The following GAB2 variants were observed in gnomAD, a reference collection of about 807,000 sequenced individuals.
GAB2 encodes GRB2 associated binding protein 2.
In GAB2, 26 loss-of-function variants were observed where a neutral mutation model predicts 65.5. The ratio of observed to expected loss-of-function variants is 0.40; its 90% CI spans 0.29 to 0.55. The LOEUF (loss-of-function observed/expected upper bound fraction) is 0.55. GAB2 is among the 20% of genes least tolerant of loss of function. The pLI, the probability that GAB2 is intolerant of heterozygous loss-of-function variation, is 0.53. For synonymous variants in GAB2, 321 were observed against 329.6 expected (o/e 0.97, Z 0.28); for missense variants, 884 against 875.8 (o/e 1.01, Z -0.12).
chr11:78,280,337 G>A, intron 2 of GAB2: 1 of 486,598 alleles, frequency 2.1e-6, no homozygotes, highest in Non-Finnish European at 3.7e-6. Context: ...ATGAGGAACG[G>A]CAGTGGTGTT....
At chr11:78,358,483 C>CA (rs59495222) in intron 1 of GAB2, among the ~76,000 whole-genome samples, 3,653 of 106,190 alleles carry the variant, frequency 0.034, 69 homozygotes, top group South Asian at 0.06. Context: ...ATAAAGTGAC[C>CA]AAAAAAAAAA....
At chr11:78,375,335 A>AT (rs1221536119) in intron 1 of GAB2, among the ~76,000 whole-genome samples, 11 of 151,864 alleles carry the variant, frequency 7.2e-5, no homozygotes, top group Admixed American at 2.0e-4. Flanking sequence ...TTTTGTTTGT[A>AT]TTTTTTTTAG....
chr11:78,381,759 T>C (rs1946651380), intron 1 of GAB2, among the ~76,000 whole-genome samples: 1 of 152,178 alleles, frequency 6.6e-6, no homozygotes, highest in South Asian at 2.1e-4. Flanking sequence ...GCCTCCAATG[T>C]AGTTATGTAC....
chr11:78,374,538 C>T (rs1186811682), intron 1 of GAB2, among the ~76,000 whole-genome samples: 1 of 152,178 alleles, frequency 6.6e-6, no homozygotes, highest in Non-Finnish European at 1.5e-5. Flanking sequence ...CCTTACTCAT[C>T]ATCCATTTCT....
intron 6 of GAB2, 137 bp downstream of exon 6, chr11:78,223,275 A>G (rs899498348): frequency 6.2e-6 from 4 of 649,636 alleles, no homozygotes; most frequent in Non-Finnish European, 9.8e-6. Context: ...TTCACAGATA[A>G]GAAAACTGAG....
intron 2 of GAB2, among the ~76,000 whole-genome samples, chr11:78,274,882 G>A (rs571386278): frequency 3.9e-5 from 6 of 152,274 alleles, no homozygotes; most frequent in African/African-American, 1.4e-4. Flanking sequence ...CAAAAACACA[G>A]CACATTATAA....
chr11:78,381,992 G>C (rs1856703752), intron 1 of GAB2, among the ~76,000 whole-genome samples: 1 of 152,186 alleles, frequency 6.6e-6, no homozygotes, highest in Non-Finnish European at 1.5e-5. Context: ...TCATATATCA[G>C]CTCCATTCTC....
At chr11:78,412,608 T>C (rs757567099) in intron 1 of GAB2, among the ~76,000 whole-genome samples, 6 of 152,348 alleles carry the variant, frequency 3.9e-5, no homozygotes, top group Admixed American at 6.5e-5. Context: ...ACTGTTGTGA[T>C]ACTGTACTAT....
At chr11:78,374,910 A>G (rs1158113270) in intron 1 of GAB2, among the ~76,000 whole-genome samples, 1 of 152,252 alleles carries the variant, frequency 6.6e-6, no homozygotes, top group African/African-American at 2.4e-5. Flanking sequence ...TCTTCAAATC[A>G]AGAACAGCAT....
intron 1 of GAB2, among the ~76,000 whole-genome samples, chr11:78,320,822 T>C (rs756888840): frequency 3.2e-4 from 48 of 149,810 alleles, no homozygotes; most frequent in Admixed American, 6.1e-4. Flanking sequence ...CCACCTGCCA[T>C]GGCCTCCCAA....
chr11:78,230,435 C>G (rs1864807389), intron 3 of GAB2, among the ~76,000 whole-genome samples: 1 of 152,256 alleles, frequency 6.6e-6, no homozygotes, highest in Admixed American at 6.5e-5. Flanking sequence ...AGCCTTTTCA[C>G]TCTACAAAGG....
intron 2 of GAB2, among the ~76,000 whole-genome samples, chr11:78,255,535 A>G (rs1865572461): frequency 6.6e-6 from 1 of 152,176 alleles, no homozygotes; most frequent in African/African-American, 2.4e-5. Flanking sequence ...TACCCCTGCT[A>G]CTTCTTCCTC....
intron 1 of GAB2, among the ~76,000 whole-genome samples, chr11:78,384,736 TGGAACACATACA>T (rs1856744226): frequency 6.6e-6 from 1 of 152,132 alleles, no homozygotes; most frequent in Non-Finnish European, 1.5e-5. Flanking sequence ...GAAAGAATAC[TGGAACACATACA>T]GGGTACTACA....
rs1465448425 is a variant in GAB2 at position 78,215,498 on chromosome 11, C to T, written c.*3774G>A. On this transcript the variant is annotated 3_prime_UTR_variant, in exon 10 of 10. Coordinates refer to ENST00000361507, the MANE Select transcript of GAB2 (RefSeq NM_080491.3). ...TAAATTAATAACTTAAGTGATTAGG[C>T]ACCAACAGTGATTTGAAAATTAAAT... The T allele has an allele frequency of 1.3e-5, 2 of 152,588 alleles. No homozygotes were observed. The highest frequency in any genetic ancestry group is 3.8e-4 in the East Asian group (2 of 5,202). The allele number at this position is 152,588 out of a possible 1,614,324, so 9.5% of individuals were successfully genotyped here.
At chr11:78,372,108 G>C (rs778176119) in intron 1 of GAB2, among the ~76,000 whole-genome samples, 2 of 152,172 alleles carry the variant, frequency 1.3e-5, no homozygotes, top group African/African-American at 4.8e-5. Flanking sequence ...TGAGTAAAAG[G>C]TATCTGCTTT....
chr11:78,403,848 G>T (rs985119528), intron 1 of GAB2, among the ~76,000 whole-genome samples: 2 of 152,046 alleles, frequency 1.3e-5, no homozygotes, highest in Admixed American at 6.6e-5. Flanking sequence ...TCTGACAAGG[G>T]ATTAATAACT....
In GAB2 at chr11:78,226,555, G is replaced by A. The variant is rs2134467828; in HGVS notation, c.1117C>T (p.Pro373Ser). Residue 373 changes from proline to serine, a missense_variant, in exon 4 of 10, where the codon CCG (proline) becomes TCG (serine). By Grantham distance (74) the Pro-to-Ser change is moderately conservative (BLOSUM62 -1). Coordinates refer to ENST00000361507, the MANE Select transcript of GAB2 (RefSeq NM_080491.3). ...TPRWGSPQQR[P>S]PISENSRSVA... ...GATCTGCTATTTTCACTGATTGGCG[G>A]TCTCTGCTGAGGACTGCCCCATCGA... 6.3e-7 allele frequency: 1 copy of A among 1,591,150 alleles called. No homozygotes were observed. The highest frequency in any genetic ancestry group is 8.5e-7 in the Non-Finnish European group (1 of 1,172,834).
At chr11:78,328,826 C>T (rs1039268457) in intron 1 of GAB2, among the ~76,000 whole-genome samples, 10 of 151,912 alleles carry the variant, frequency 6.6e-5, no homozygotes, top group African/African-American at 1.5e-4. Flanking sequence ...CTTTCTGGAA[C>T]GATGGTAATG....
At chr11:78,355,184 A>T (rs868439904) in intron 1 of GAB2, among the ~76,000 whole-genome samples, 4 of 152,226 alleles carry the variant, frequency 2.6e-5, no homozygotes, top group African/African-American at 7.2e-5. Context: ...TGCTAAAAGC[A>T]CTTTATGTGA....
Sources: allele counts gnomAD v4.1 joint callset (sites outside exome capture counted in the v4.1 genomes callset), GRCh38; gene constraint gnomAD v4.1.1; transcripts MANE v1.5; gene names NCBI Gene and HGNC (gene_info 2026-07-23, HGNC 2026-07-21).